ANKRD26: variants seen among roughly 807,000 people sequenced by gnomAD.
The protein encoded by ANKRD26 is ankyrin repeat domain-containing protein 26.
In ANKRD26, 141 loss-of-function variants were observed where a neutral mutation model predicts 208.7. The ratio of observed to expected loss-of-function variants is 0.68; its 90% CI spans 0.59 to 0.78. ANKRD26 has a LOEUF of 0.78. Ranked by LOEUF, ANKRD26 falls within the 30% of genes least tolerant of loss-of-function variation. The probability of loss-of-function intolerance (pLI) is 0.00; values close to 1 mark genes in which losing one functional copy is unlikely to be tolerated. For synonymous variants in ANKRD26, 636 were observed against 660.4 expected, an observed-to-expected ratio of 0.96 and a Z score of 0.57; for missense variants, 1,889 against 1,938.7, an observed-to-expected ratio of 0.97 and a Z score of 0.48.
chr10:27,096,665 C>T (rs2056474974), intron 1 of ANKRD26, among the ~76,000 whole-genome samples: 1 of 150,390 alleles, frequency 6.6e-6, no homozygotes, highest in Admixed American at 6.7e-5. Flanking sequence ...GTTTGGGAGG[C>T]TGAGGCACGA....
chr10:27,083,823 T>C (rs1223367609), intron 5 of ANKRD26, among the ~76,000 whole-genome samples: 1 of 152,174 alleles, frequency 6.6e-6, no homozygotes, highest in Non-Finnish European at 1.5e-5. Context: ...GTTTTGTAAA[T>C]AAAGGTTTAC....
the ANKRD26 span, among the ~76,000 whole-genome samples, chr10:26,950,741 C>T: frequency 1.4e-5 from 2 of 138,182 alleles, no homozygotes; most frequent in Non-Finnish European, 3.2e-5. Flanking sequence ...GACCTGTGAG[C>T]CAGTTAAACC....
intron 28 of ANKRD26, 56 bp from the exon 29 acceptor site, chr10:27,022,743 ATTAT>A (rs1181630231): frequency 2.0e-6 from 3 of 1,473,886 alleles, no homozygotes; most frequent in Non-Finnish European, 2.8e-6. Flanking sequence ...ACATTTAATA[ATTAT>A]TTAAACAGAT....
intron 15 of ANKRD26, 148 bp downstream of exon 15, chr10:27,060,197 G>A (rs1303193857): frequency 7.5e-6 from 5 of 670,814 alleles, no homozygotes; most frequent in Non-Finnish European, 1.3e-5. Context: ...AGCAAGACTC[G>A]GTCTCAATTA....
At chr10:26,979,888 T>A (rs958007668) in intron 5 of ANKRD26, among the ~76,000 whole-genome samples, 2 of 151,976 alleles carry the variant, frequency 1.3e-5, no homozygotes, top group African/African-American at 2.4e-5. Context: ...GTTTGAGAAG[T>A]TAATTGCTTT....
intron 22 of ANKRD26, 61 bp downstream of exon 22, chr10:27,037,810 A>T: frequency 7.8e-7 from 1 of 1,289,764 alleles, no homozygotes; most frequent in South Asian, 1.3e-5. Flanking sequence ...AATCAAAAGG[A>T]TGTGATAATA....
intron 12 of ANKRD26, among the ~76,000 whole-genome samples, chr10:27,063,128 C>T (rs2055122438): frequency 6.6e-6 from 1 of 152,088 alleles, no homozygotes; most frequent in South Asian, 2.1e-4. Context: ...TATTCATCTA[C>T]AGCAGATGAA....
chr10:27,091,004 G>C (rs1181823237), intron 4 of ANKRD26, among the ~76,000 whole-genome samples: 1 of 152,124 alleles, frequency 6.6e-6, no homozygotes, highest in East Asian at 1.9e-4. Flanking sequence ...GCTGAGGCAG[G>C]GGGATTGCTT....
Position 27,038,038 on chromosome 10 carries a change from C to T in ANKRD26, c.2392G>A (p.Glu798Lys), listed in dbSNP as rs560561829. 2 of 1,609,860 alleles carry T rather than the reference C, an allele frequency of 1.2e-6. No individual in the cohort carries two copies. Among genetic ancestry groups the T allele is most frequent in the East Asian group, 2.2e-5 (1 of 44,708 alleles). Residue 798 changes from glutamate to lysine, a missense_variant, in exon 22 of 34, where the codon GAA becomes AAA. Glu to Lys is a moderately conservative substitution (Grantham distance 56, BLOSUM62 1). Transcript: ENST00000376087. ...TCAGCATTTCTTCTCTTCTCTTCTTCTTGGTTTAAGCTAAATCTGCAGTTA... is the reference window on the plus strand; with the variant it reads ...TCAGCATTTCTTCTCTTCTCTTCTTTTTGGTTTAAGCTAAATCTGCAGTTA... Reference protein sequence around the residue: ...LCSLRFSLNQEEEKRRNADTL... With the variant: ...LCSLRFSLNQKEEKRRNADTL...
intron 32 of ANKRD26, among the ~76,000 whole-genome samples, chr10:27,009,277 T>C (rs116640458): frequency 0.033 from 5,062 of 152,298 alleles, 92 homozygotes; most frequent in Non-Finnish European, 0.039. Flanking sequence ...GGAGGGACAC[T>C]TGAAAGCTTA....
intron 21 of ANKRD26, among the ~76,000 whole-genome samples, chr10:27,039,211 T>C (rs1412300595): frequency 6.6e-6 from 1 of 152,080 alleles, no homozygotes; most frequent in African/African-American, 2.4e-5. Context: ...CACAGCACTT[T>C]AGGAGGCCAA....
intron 28 of ANKRD26, 30 bp from the exon 29 acceptor site, chr10:27,022,717 A>G: frequency 3.2e-6 from 5 of 1,558,952 alleles, no homozygotes; most frequent in Non-Finnish European, 4.4e-6. Flanking sequence ...GAGTAACTCA[A>G]GTTTTAAAAA....
chr10:26,993,485 G>A (rs1023858246), intron 5 of ANKRD26, among the ~76,000 whole-genome samples: 5 of 152,094 alleles, frequency 3.3e-5, no homozygotes, highest in African/African-American at 1.2e-4. Flanking sequence ...GCCTAATAAA[G>A]GGGTGATTCA....
At position 27,051,655 on chromosome 10, in the gene ANKRD26, CTGGGG is replaced by C. The variant is rs1344631483; in HGVS notation, c.1635+1660_1635+1664del. The C allele has an allele frequency of 1.2e-5, 12 of 985,284 alleles. No individual in the cohort carries two copies. In the African/African-American group the frequency reaches 1.9e-4, roughly 16 times the overall value. The allele number at this position is 985,284 out of a possible 1,614,324, so 61.0% of individuals were successfully genotyped here. On this transcript the variant is annotated intron_variant, in intron 16 of 33. Coordinates refer to ENST00000376087, the MANE Select transcript of ANKRD26 (RefSeq NM_014915.3). ...TTAGAAGATGACTGGCAAGCATATT[CTGGGG>C]ACCCAGAGTATGAAGGAAATGAAAA... is the stretch of plus-strand genomic sequence containing the variant.
chr10:27,042,796 T>TAAAAAAAAAAAAA (rs2054297325), intron 20 of ANKRD26, among the ~76,000 whole-genome samples: 1 of 24,566 alleles, frequency 4.1e-5, no homozygotes, highest in Non-Finnish European at 8.0e-5. Flanking sequence ...AACAAAAAAA[T>TAAAAAAAAAAAAA]ACAAAAAAAA....
chr10:27,019,616 A>G (rs1226753882), intron 29 of ANKRD26, among the ~76,000 whole-genome samples: 1 of 152,218 alleles, frequency 6.6e-6, no homozygotes, highest in Non-Finnish European at 1.5e-5. Flanking sequence ...TGGAGAGTTC[A>G]GATTCCAGAC....
At chr10:27,028,309 A>G (rs1055077351) in intron 27 of ANKRD26, among the ~76,000 whole-genome samples, 2 of 152,102 alleles carry the variant, frequency 1.3e-5, no homozygotes, top group Non-Finnish European at 2.9e-5. Flanking sequence ...AAATATTCAT[A>G]AAAGTGGCCG....
chr10:26,954,831 C>A, the ANKRD26 span, among the ~76,000 whole-genome samples: 1 of 151,726 alleles, frequency 6.6e-6, no homozygotes, highest in African/African-American at 2.4e-5. Context: ...AAATATGGTA[C>A]ATGTGTTTTA....
chr10:26,949,160 C>T, the ANKRD26 span, among the ~76,000 whole-genome samples: 1 of 152,076 alleles, frequency 6.6e-6, no homozygotes, highest in Non-Finnish European at 1.5e-5. Flanking sequence ...TTTAATGAAC[C>T]TAATTTACCA....
Sources: allele counts gnomAD v4.1 joint callset (sites outside exome capture counted in the v4.1 genomes callset), GRCh38; gene constraint gnomAD v4.1.1; transcripts MANE v1.5; gene names NCBI Gene and HGNC (gene_info 2026-07-23, HGNC 2026-07-21).